The following NDUFAF2 variants were observed in gnomAD, a reference collection of about 807,000 sequenced individuals.
NDUFAF2 encodes NADH:ubiquinone oxidoreductase complex assembly factor 2.
A neutral mutation model predicts 22.8 loss-of-function variants in NDUFAF2; 13 were observed. The observed-to-expected ratio is 0.57, with a 90% CI of 0.37 to 0.91. The LOEUF (loss-of-function observed/expected upper bound fraction) is 0.91. Ranked by LOEUF, NDUFAF2 falls within the 40% of genes least tolerant of loss-of-function variation. The pLI, the probability that NDUFAF2 is intolerant of heterozygous loss-of-function variation, is 0.01. For missense variants in NDUFAF2, 162 were observed against 195.2 expected (o/e 0.83, Z 1.01); for synonymous variants, 53 against 64.2 (o/e 0.83, Z 0.84).
At chr5:60,961,879 T>A (rs1433486628) in intron 1 of NDUFAF2, among the ~76,000 whole-genome samples, 1 of 151,886 alleles carries the variant, frequency 6.6e-6, no homozygotes, top group Non-Finnish European at 1.5e-5. Context: ...CAGGATCGCT[T>A]GAGCTCAGGA....
chr5:61,040,119 A>G (rs976348949), intron 1 of NDUFAF2, among the ~76,000 whole-genome samples: 4 of 152,194 alleles, frequency 2.6e-5, no homozygotes, highest in African/African-American at 9.6e-5. Flanking sequence ...CAAAAAATGT[A>G]TATCCATTTG....
chr5:61,061,184 A>G (rs570309141), intron 1 of NDUFAF2, among the ~76,000 whole-genome samples: 67 of 152,208 alleles, frequency 4.4e-4, no homozygotes, highest in Non-Finnish European at 6.0e-4. Context: ...TGAGAACACT[A>G]TATGCAGAAG....
chr5:61,104,878 A>G (rs1752743639), intron 3 of NDUFAF2, among the ~76,000 whole-genome samples: 1 of 152,148 alleles, frequency 6.6e-6, no homozygotes, highest in South Asian at 2.1e-4. Context: ...CATTCACCTT[A>G]CAACAAGGAT....
At chr5:61,019,211 A>G (rs897583529) in intron 1 of NDUFAF2, among the ~76,000 whole-genome samples, 4 of 152,012 alleles carry the variant, frequency 2.6e-5, no homozygotes, top group African/African-American at 9.7e-5. Flanking sequence ...AAGGATTGTA[A>G]TTTTTTTCAC....
At chr5:60,953,404 G>GT (rs990505949) in intron 1 of NDUFAF2, among the ~76,000 whole-genome samples, 1 of 151,996 alleles carries the variant, frequency 6.6e-6, no homozygotes, top group Non-Finnish European at 1.5e-5. Flanking sequence ...GCAAATGAAG[G>GT]TTTTTTCAGA....
At position 61,093,436 on chromosome 5, in the gene NDUFAF2, A is replaced by G. The variant is rs151079023; in HGVS notation, c.218-5556A>G. ...TATTATTTTAAGGTATGTTCCTTCA[A>G]TGCCTAGTTTATTAAGAGTTTTTAA... On this transcript the variant is annotated intron_variant, in intron 2 of 3. Coordinates refer to ENST00000296597, the MANE Select transcript of NDUFAF2 (RefSeq NM_174889.5). 3.6e-3 allele frequency among the ~76,000 whole-genome samples: 549 copies of G among 152,316 alleles called. 7 individuals carry two copies. The highest frequency in any genetic ancestry group is 0.013 in the African/African-American group (521 of 41,576).
At chr5:61,002,240 C>T (rs998028514) in intron 1 of NDUFAF2, among the ~76,000 whole-genome samples, 2 of 152,052 alleles carry the variant, frequency 1.3e-5, no homozygotes, top group Non-Finnish European at 2.9e-5. Context: ...TCTGTGAGTC[C>T]TCTCTAATAC....
chr5:61,000,657 AAG>A, intron 1 of NDUFAF2, among the ~76,000 whole-genome samples: 1 of 21,166 alleles, frequency 4.7e-5, no homozygotes, highest in Non-Finnish European at 9.4e-5. Context: ...CTCATTTAAG[AAG>A]ACCTGGAACT....
In NDUFAF2 at chr5:61,107,046, TACACACACAC is replaced by T. The variant is rs59521177; in HGVS notation, c.258+8050_258+8059del. 2.1e-3 allele frequency among the ~76,000 whole-genome samples: 257 copies of T among 124,016 alleles called. 5 individuals carry two copies. Among genetic ancestry groups the T allele is most frequent in the Middle Eastern group, 8.3e-3 (2 of 242 alleles). 81.4% of individuals were successfully genotyped at this position (124,016 alleles called of 152,430 possible). A position where few individuals can be genotyped will look rare whatever the true frequency, so the allele number is the denominator to read the frequency against. On this transcript the variant is annotated intron_variant, in intron 3 of 3. Coordinates refer to ENST00000296597, the MANE Select transcript of NDUFAF2 (RefSeq NM_174889.5). ...TGATTTCCTTTCCTTTGGATAAATA[TACACACACAC>T]ACACACACACACACACACACACACA...
intron 3 of NDUFAF2, among the ~76,000 whole-genome samples, chr5:61,139,679 A>G (rs757316181): frequency 2.0e-5 from 3 of 152,262 alleles, no homozygotes; most frequent in Non-Finnish European, 4.4e-5. Context: ...GTCCCTGGTG[A>G]AACCCCACCT....
chr5:61,094,096 C>T (rs1163796854), intron 2 of NDUFAF2, among the ~76,000 whole-genome samples: 1 of 151,986 alleles, frequency 6.6e-6, no homozygotes, highest in Non-Finnish European at 1.5e-5. Flanking sequence ...ATGGGGTCAG[C>T]GATACCCCGT....
intron 1 of NDUFAF2, among the ~76,000 whole-genome samples, chr5:61,001,186 T>A (rs1378847252): frequency 6.6e-6 from 1 of 152,050 alleles, no homozygotes; most frequent in Non-Finnish European, 1.5e-5. Flanking sequence ...ATTTCCCCTA[T>A]CCCACATCCA....
chr5:60,973,937 G>A lies in NDUFAF2; in HGVS notation c.127+28555G>A, dbSNP rs940568998. Among the ~76,000 whole-genome samples, 5 of 152,196 alleles carry A rather than the reference G, an allele frequency of 3.3e-5. No homozygotes were observed. In the East Asian group the frequency reaches 9.7e-4, roughly 29 times the overall value. On this transcript the variant is annotated intron_variant, in intron 1 of 3. Transcript: ENST00000296597. ...TCCCACCTCAGCCTCCTGAGTAGCT[G>A]TGACTACAGGCACATGCCATTTTGC...
intron 1 of NDUFAF2, among the ~76,000 whole-genome samples, chr5:60,963,750 A>C (rs1034851601): frequency 9.2e-5 from 14 of 152,240 alleles, no homozygotes; most frequent in Admixed American, 7.2e-4. Context: ...TAGTTGTTAC[A>C]GTGTGGTAAG....
chr5:61,013,062 T>C (rs1751460373), intron 1 of NDUFAF2, among the ~76,000 whole-genome samples: 1 of 152,066 alleles, frequency 6.6e-6, no homozygotes, highest in Admixed American at 6.6e-5. Context: ...TTGGTTACCT[T>C]GGAATAAAAA....
Position 61,076,334 on chromosome 5 carries a change from A to C in NDUFAF2, c.217+3120A>C, listed in dbSNP as rs560297709. ...CGTGATCTGCCCGCCTCTGCCTCCCAAAGTGCTGGGATTACAGGCGTGAGC... is the reference window on the plus strand; with the variant it reads ...CGTGATCTGCCCGCCTCTGCCTCCCCAAGTGCTGGGATTACAGGCGTGAGC... On this transcript the variant is annotated intron_variant, in intron 2 of 3. Transcript: ENST00000296597. Among the ~76,000 whole-genome samples the C allele has an allele frequency of 4.2e-4, 64 of 152,214 alleles. No individual in the cohort carries two copies. In the East Asian group the frequency reaches 0.012, roughly 28 times the overall value.
At chr5:60,982,714 A>G (rs1039979877) in intron 1 of NDUFAF2, among the ~76,000 whole-genome samples, 6 of 151,612 alleles carry the variant, frequency 4.0e-5, no homozygotes, top group Middle Eastern at 3.2e-3. Flanking sequence ...CCATGTCCCT[A>G]CAAAGGACAT....
At chr5:60,985,702 G>A (rs10067476) in intron 1 of NDUFAF2, among the ~76,000 whole-genome samples, 9,679 of 152,130 alleles carry the variant, frequency 0.064, 1,012 homozygotes, top group African/African-American at 0.22. Context: ...TAGTTGAGTG[G>A]TTTTGAATGA....
intron 3 of NDUFAF2, among the ~76,000 whole-genome samples, chr5:61,113,940 A>G (rs1315173166): frequency 6.6e-6 from 1 of 152,002 alleles, no homozygotes; most frequent in African/African-American, 2.4e-5. Context: ...TCTTCTTGCT[A>G]CTTTTAGGAT....
Sources: allele counts gnomAD v4.1 joint callset (sites outside exome capture counted in the v4.1 genomes callset), GRCh38; gene constraint gnomAD v4.1.1; transcripts MANE v1.5; gene names NCBI Gene and HGNC (gene_info 2026-07-23, HGNC 2026-07-21).